Variants in HDAC4 observed in about 807,000 individuals in gnomAD.
The protein encoded by HDAC4 is histone deacetylase A.
A neutral mutation model predicts 135.1 loss-of-function variants in HDAC4; 16 were observed. That is an observed-to-expected ratio of 0.12 (90% CI 0.08 to 0.18). The LOEUF (loss-of-function observed/expected upper bound fraction) is 0.18. HDAC4 is among the 10% of genes least tolerant of loss of function. The pLI, the probability that HDAC4 is intolerant of heterozygous loss-of-function variation, is 1.00. For synonymous variants in HDAC4, 685 were observed against 653.4 expected (o/e 1.05, Z -0.74); for missense variants, 1,143 against 1,511.8 (o/e 0.76, Z 4.05).
chr2:239,375,532 C>T (rs36015240), intron 1 of HDAC4, among the ~76,000 whole-genome samples: 5 of 152,306 alleles, frequency 3.3e-5, no homozygotes, highest in East Asian at 1.9e-4. Flanking sequence ...CTGACCTCAG[C>T]GAGTGGTGAC....
intron 12 of HDAC4, among the ~76,000 whole-genome samples, chr2:239,122,907 G>A: frequency 6.6e-6 from 1 of 152,198 alleles, no homozygotes; most frequent in African/African-American, 2.4e-5. Flanking sequence ...GCCAGAGCTG[G>A]GCAGATGCCC....
intron 4 of HDAC4, among the ~76,000 whole-genome samples, chr2:239,178,761 G>C (rs1374940949): frequency 6.6e-6 from 1 of 152,202 alleles, no homozygotes; most frequent in Non-Finnish European, 1.5e-5. Flanking sequence ...GGATAAGCAG[G>C]CATCCTGGCA....
chr2:239,236,241 G>A (rs987303109), intron 3 of HDAC4, among the ~76,000 whole-genome samples: 4 of 152,162 alleles, frequency 2.6e-5, no homozygotes, highest in African/African-American at 4.8e-5. Flanking sequence ...ACCCAGCCCC[G>A]CCCACTGCAA....
chr2:239,103,662 A>G (rs1239851272), intron 15 of HDAC4, among the ~76,000 whole-genome samples: 1 of 152,170 alleles, frequency 6.6e-6, no homozygotes, highest in Non-Finnish European at 1.5e-5. Flanking sequence ...CCTGAGCAGG[A>G]TCTGCTCTCT....
At chr2:239,216,297 C>T (rs2046632574) in intron 3 of HDAC4, among the ~76,000 whole-genome samples, 1 of 151,948 alleles carries the variant, frequency 6.6e-6, no homozygotes, top group East Asian at 1.9e-4. Flanking sequence ...ATGAAATGTT[C>T]TCACACATCT....
At position 239,226,832 on chromosome 2, in the gene HDAC4, G is replaced by A. The variant is rs1426177235; in HGVS notation, c.94+9761C>T. Among the ~76,000 whole-genome samples, 72 of 152,168 alleles carry A rather than the reference G, an allele frequency of 4.7e-4. 2 individuals are homozygous for A. The highest frequency in any genetic ancestry group is 4.7e-3 in the Admixed American group (72 of 15,282). On this transcript the variant is annotated intron_variant, in intron 3 of 26. Transcript: ENST00000543185. ...GGCAGGCAGCAGTGTCCTGGGCCGC[G>A]TGGGGAGGCACGGTCCCACCTGCCA...
At chr2:239,364,149 C>T (rs1694024208) in intron 1 of HDAC4, among the ~76,000 whole-genome samples, 3 of 152,190 alleles carry the variant, frequency 2.0e-5, no homozygotes, top group South Asian at 2.1e-4. Flanking sequence ...GGAAACCCCT[C>T]GGTGGCAGGT....
At chr2:239,199,911 GATT>G (rs1366846229) in intron 3 of HDAC4, among the ~76,000 whole-genome samples, 1 of 151,930 alleles carries the variant, frequency 6.6e-6, no homozygotes, top group Non-Finnish European at 1.5e-5. Context: ...TAATTTTTTT[GATT>G]TTTTCAGTAG....
intron 2 of HDAC4, among the ~76,000 whole-genome samples, chr2:239,337,841 G>T (rs898871910): frequency 2.0e-5 from 3 of 152,130 alleles, no homozygotes; most frequent in African/African-American, 7.2e-5. Context: ...ATAAATGAGC[G>T]GACTGGACCC....
intron 12 of HDAC4, among the ~76,000 whole-genome samples, chr2:239,120,440 C>T (rs944519976): frequency 4.2e-5 from 2 of 47,396 alleles, no homozygotes; most frequent in Non-Finnish European, 1.3e-4. Flanking sequence ...CACAAATAGA[C>T]AGACATGCAG....
rs73100714 is a variant in HDAC4, at chr2:239,246,254, A to G, written c.23-9590T>C. ...TGAGCCACGGGGGAAAGGGAACAGC[A>G]GGTTACTCGGGGATTTTCCCAGGGA... is the stretch of plus-strand genomic sequence containing the variant. On this transcript the variant is annotated intron_variant, in intron 2 of 26. Coordinates refer to ENST00000543185, the MANE Select transcript of HDAC4 (RefSeq NM_001378414.1). 4.8e-3 allele frequency among the ~76,000 whole-genome samples: 736 copies of G among 152,290 alleles called. 3 individuals are homozygous for G. The highest frequency in any genetic ancestry group is 0.012 in the African/African-American group (488 of 41,564).
intron 13 of HDAC4, among the ~76,000 whole-genome samples, chr2:239,113,316 G>A (rs2038844816): frequency 6.6e-6 from 1 of 152,160 alleles, no homozygotes; most frequent in South Asian, 2.1e-4. Context: ...CTGAGACAGT[G>A]GGAGGAGCTG....
At chr2:239,388,302 C>T (rs1695962428) in intron 1 of HDAC4, among the ~76,000 whole-genome samples, 1 of 152,220 alleles carries the variant, frequency 6.6e-6, no homozygotes, top group Non-Finnish European at 1.5e-5. Flanking sequence ...CGCTGGAGGG[C>T]CGCAAGCCTG....
intron 22 of HDAC4, among the ~76,000 whole-genome samples, chr2:239,076,014 C>A (rs1979449): frequency 0.42 from 62,983 of 149,616 alleles, 13,498 homozygotes; most frequent in Admixed American, 0.54. Flanking sequence ...GTAGCAGGCG[C>A]GTGCCAGCGA....
intron 1 of HDAC4, among the ~76,000 whole-genome samples, chr2:239,367,921 T>G (rs540645236): frequency 7.9e-5 from 12 of 151,988 alleles, no homozygotes; most frequent in African/African-American, 2.7e-4. Flanking sequence ...GAGGTGGCAG[T>G]GAGCCGAGAC....
intron 2 of HDAC4, among the ~76,000 whole-genome samples, chr2:239,274,580 G>A (rs888442004): frequency 2.0e-5 from 3 of 152,188 alleles, no homozygotes; most frequent in Non-Finnish European, 4.4e-5. Flanking sequence ...TAACCTTCAC[G>A]GTAAAAACGA....
intron 12 of HDAC4, among the ~76,000 whole-genome samples, 175 bp downstream of exon 12, chr2:239,126,281 G>A (rs2040181658): frequency 6.6e-6 from 1 of 152,240 alleles, no homozygotes. Context: ...CATCCCTTCT[G>A]CCCCTGCCCC....
Position 239,082,095 on chromosome 2 carries a change from C to T in HDAC4, c.2652+7G>A, listed in dbSNP as rs1322632111. On this transcript the variant is annotated splice_region_variant and intron_variant, in intron 21 of 26. Transcript: ENST00000543185. ...TCCCCCCAGAGGCCCTTATATACCC[C>T]ACCTACCTCATCAGGAGCCCCGCTG... 3 of 1,613,960 alleles carry T rather than the reference C, an allele frequency of 1.9e-6. No homozygotes were observed. Among genetic ancestry groups the T allele is most frequent in the Admixed American group, 1.7e-5 (1 of 60,002 alleles).
chr2:239,147,361 T>C (rs909725412), intron 7 of HDAC4, among the ~76,000 whole-genome samples: 1 of 152,250 alleles, frequency 6.6e-6, no homozygotes, highest in African/African-American at 2.4e-5. Flanking sequence ...ACTTAAGACA[T>C]AGGGACCTAC....
Sources: gnomAD v4.1 joint callset for allele counts (sites outside exome capture counted in the v4.1 genomes callset) on GRCh38, gnomAD v4.1.1 for gene constraint, MANE v1.5 for transcripts, NCBI Gene and HGNC (gene_info 2026-07-23, HGNC 2026-07-21) for gene names.